RET: variants seen among roughly 807,000 people sequenced by gnomAD.
RET encodes the protein proto-oncogene tyrosine-protein kinase receptor Ret.
Under a neutral mutation model 118.3 loss-of-function variants are expected in RET, and 19 were observed. The observed-to-expected ratio is 0.16, with a 90% CI of 0.11 to 0.24. The LOEUF is 0.24. RET is among the 10% of genes least tolerant of loss of function. The pLI is 1.00. For synonymous variants in RET, 597 were observed against 644.1 expected, an observed-to-expected ratio of 0.93 and a Z score of 1.11; for missense variants, 1,219 against 1,502.1, an observed-to-expected ratio of 0.81 and a Z score of 3.12.
chr10:43,113,547 TG>T lies in RET; in HGVS notation c.1760-8del. The T allele has an allele frequency of 6.2e-7, 1 of 1,603,326 alleles. No individual in the cohort carries two copies. ...CCCAGGAGGCTGAGTGGGCTACGTC[TG>T]CCCTCAGGGGGCAGCATTGTTGGGG... is the stretch of plus-strand genomic sequence containing the variant. On this transcript the variant is annotated splice_polypyrimidine_tract_variant and splice_region_variant and intron_variant, in intron 9 of 19. Coordinates refer to ENST00000355710, the MANE Select transcript of RET (RefSeq NM_020975.6).
At chr10:43,118,553 C>G (rs989065599) in intron 13 of RET, 73 bp downstream of exon 13, 2 of 1,094,632 alleles carry the variant, frequency 1.8e-6, no homozygotes, top group African/African-American at 3.1e-5. Flanking sequence ...CCTGTTCTCC[C>G]TCTTTCTCCC....
At chr10:43,115,471 G>T (rs1202165133) in intron 11 of RET, among the ~76,000 whole-genome samples, 1 of 152,230 alleles carries the variant, frequency 6.6e-6, no homozygotes, top group Non-Finnish European at 1.5e-5. Flanking sequence ...TGTGAGCCAA[G>T]GAGGCCTTCC....
chr10:43,111,754 A>T (rs1396953226), intron 7 of RET, among the ~76,000 whole-genome samples: 2 of 152,206 alleles, frequency 1.3e-5, no homozygotes, highest in Non-Finnish European at 2.9e-5. Flanking sequence ...AGGTCCATCC[A>T]TGCCCTCTTA....
chr10:43,126,520 G>A, intron 18 of RET, 55 bp from the exon 19 acceptor site: 1 of 1,477,732 alleles, frequency 6.8e-7, no homozygotes, highest in Non-Finnish European at 9.4e-7. Context: ...TGTATACTGA[G>A]TTGTATCTAG....
In RET at chr10:43,102,432, C is replaced by T. The variant is rs1564490082; in HGVS notation, c.428C>T (p.Ala143Val). The T allele has an allele frequency of 6.2e-7, 1 of 1,614,218 alleles. No individual in the cohort carries two copies. The highest frequency in any genetic ancestry group is 8.5e-7 in the Non-Finnish European group (1 of 1,180,028). Residue 143 changes from alanine (A) to valine (V), a missense_variant, in exon 3 of 20, where the codon GCC (alanine) becomes GTC (valine). Ala to Val is a moderately conservative substitution (Grantham distance 64). Coordinates refer to ENST00000355710, the MANE Select transcript of RET (RefSeq NM_020975.6). ...GGCGAGTGCCAGTGGCCAGGCTGTGCCCGCGTATACTTCTCCTTCTTCAAC... is the reference window on the plus strand; with the variant it reads ...GGCGAGTGCCAGTGGCCAGGCTGTGTCCGCGTATACTTCTCCTTCTTCAAC... ...REGECQWPGCARVYFSFFNTS... is the reference protein window; with the variant it reads ...REGECQWPGCVRVYFSFFNTS...
intron 18 of RET, among the ~76,000 whole-genome samples, chr10:43,125,299 G>A (rs1838305993): frequency 6.6e-6 from 1 of 152,214 alleles, no homozygotes; most frequent in South Asian, 2.1e-4. Context: ...AAATGAGAAA[G>A]TTGAGTTAAA....
intron 11 of RET, among the ~76,000 whole-genome samples, chr10:43,115,624 C>G (rs1838054498): frequency 6.6e-6 from 1 of 152,218 alleles, no homozygotes; most frequent in South Asian, 2.1e-4. Flanking sequence ...TGTGAGGCTG[C>G]CCAGGAAGGC....
Position 43,100,637 on chromosome 10 carries a change from C to G in RET, c.252C>G (p.Asn84Lys), listed in dbSNP as rs754912942. The stretch of plus-strand genomic sequence containing the variant: ...ACCGCACACGGCTGCATGAGAACAA[C>G]TGGATCTGCATCCAGGAGGACACCG... ...GTYRTRLHEN[N>K]WICIQEDTGL... is the part of the protein sequence containing the mutation. Residue 84 changes from asparagine (N) to lysine (K), a missense_variant, in exon 2 of 20, where the codon AAC (asparagine) becomes AAG (lysine). Transcript: ENST00000355710. 6.2e-7 allele frequency: 1 copy of G among 1,613,710 alleles called. No individual in the cohort carries two copies. Among genetic ancestry groups the G allele is most frequent in the South Asian group, 1.1e-5 (1 of 91,038 alleles).
chr10:43,079,789 C>A (rs1333042362), intron 1 of RET, among the ~76,000 whole-genome samples: 6 of 152,208 alleles, frequency 3.9e-5, no homozygotes, highest in Admixed American at 2.0e-4. Flanking sequence ...AGGGCCTAGG[C>A]AGCCCACCCC....
intron 1 of RET, among the ~76,000 whole-genome samples, chr10:43,081,578 G>A (rs2506015): frequency 9.2e-5 from 14 of 152,142 alleles, no homozygotes; most frequent in South Asian, 2.1e-4. Context: ...CTGTCTCTCC[G>A]TGCCCGTCTG....
In RET at chr10:43,102,550, A is replaced by G. The variant is rs1837664768; in HGVS notation, c.546A>G (p.Pro182=). 2.5e-6 allele frequency: 4 copies of G among 1,613,986 alleles called. No homozygotes were observed. The South Asian group carries it at 3.3e-5, about 13-fold the overall frequency. Residue 182 remains proline (P), a synonymous_variant, in exon 3 of 20, where the codon CCA becomes CCG. Transcript: ENST00000355710. ...PSFRIRENRP[P]GTFHQFRLLP... is the part of the protein sequence containing the mutation. Reference sequence around the variant, plus strand: ...TCCGCATTCGGGAGAACCGACCCCCAGGCACCTTCCACCAGTTCCGCCTGC... The same window carrying G: ...TCCGCATTCGGGAGAACCGACCCCCGGGCACCTTCCACCAGTTCCGCCTGC...
rs1300944504 is a variant in RET, at chr10:43,116,560, C to T, written c.2137-24C>T. On this transcript the variant is annotated intron_variant, in intron 11 of 19. Coordinates refer to ENST00000355710, the MANE Select transcript of RET (RefSeq NM_020975.6). ...CCTCACACTTTTCCCCCCTCTTCTC[C>T]CCCTTCCCTCATTTCCAACATAGGA... is the stretch of plus-strand genomic sequence containing the variant. 2.5e-6 allele frequency: 4 copies of T among 1,613,316 alleles called. No homozygotes were observed. The East Asian group carries it at 6.7e-5, about 27-fold the overall frequency.
rs1282729859 is a variant in RET, at chr10:43,120,201, C to G, written c.2728C>G (p.Gln910Glu). The change falls in exon 15 of 20, where the codon CAG becomes GAG. Residue 910 changes from glutamine to glutamate, a missense_variant and splice_region_variant. By Grantham distance (29) the Gln-to-Glu change is conservative. Around this residue, in one of 5 missense-constraint regions of RET, gnomAD observed 73 missense variants for 156.5 expected, o/e 0.47. Coordinates refer to ENST00000355710, the MANE Select transcript of RET (RefSeq NM_020975.6). ...AGAGGATTCCTACGTGAAGAGGAGC[C>G]AGGTGCCCAGTCCCGGGGATGAGGC... ...YEEDSYVKRS[Q>E]GRIPVKWMAI... 7 of 1,612,560 alleles carry G rather than the reference C, an allele frequency of 4.3e-6. No homozygotes were observed. Among genetic ancestry groups the G allele is most frequent in the East Asian group, 2.2e-5 (1 of 44,882 alleles).
intron 3 of RET, 187 bp from the exon 4 acceptor site, chr10:43,104,765 A>G: frequency 2.4e-6 from 2 of 817,334 alleles, no homozygotes; most frequent in Non-Finnish European, 3.8e-6. Context: ...ACTCGTAAGC[A>G]CAGTCATCGC....
chr10:43,100,917 C>T (rs781088349), intron 2 of RET, among the ~76,000 whole-genome samples, 195 bp downstream of exon 2: 2 of 152,170 alleles, frequency 1.3e-5, no homozygotes, highest in Non-Finnish European at 2.9e-5. Context: ...TTCAGGGCTG[C>T]GTGAGGCTGT....
intron 5 of RET, among the ~76,000 whole-genome samples, chr10:43,107,741 TAC>T (rs529363570): frequency 7.2e-5 from 11 of 152,218 alleles, no homozygotes; most frequent in Admixed American, 7.2e-4. Context: ...GTGGTGGAGT[TAC>T]AGTTTGCTTT....
intron 1 of RET, among the ~76,000 whole-genome samples, chr10:43,087,386 T>G (rs1837312664): frequency 6.6e-6 from 1 of 152,210 alleles, no homozygotes; most frequent in Non-Finnish European, 1.5e-5. Flanking sequence ...CGCACTGCCA[T>G]GATGATAACT....
intron 1 of RET, among the ~76,000 whole-genome samples, chr10:43,095,301 T>C (rs1334565893): frequency 1.3e-5 from 2 of 152,058 alleles, no homozygotes; most frequent in Admixed American, 1.3e-4. Flanking sequence ...GCACACCCTG[T>C]CTCGTGGACT....
intron 1 of RET, among the ~76,000 whole-genome samples, chr10:43,087,530 G>A (rs1390394252): frequency 3.3e-5 from 5 of 152,230 alleles, no homozygotes; most frequent in Non-Finnish European, 7.3e-5. Flanking sequence ...TAAACCCAGT[G>A]AACTAAGAAT....
Sources: allele counts gnomAD v4.1 joint callset (sites outside exome capture counted in the v4.1 genomes callset), GRCh38; gene constraint gnomAD v4.1.1; regional missense constraint gnomAD v4.1.1; transcripts MANE v1.5; gene names NCBI Gene and HGNC (gene_info 2026-07-23, HGNC 2026-07-21).